The following KHDRBS2 variants were observed in gnomAD, a reference collection of about 807,000 sequenced individuals.
KHDRBS2 encodes KH RNA binding domain containing, signal transduction associated 2.
A neutral mutation model predicts 44.3 loss-of-function variants in KHDRBS2; 26 were observed. That is an observed-to-expected ratio of 0.59 (90% CI 0.43 to 0.81). KHDRBS2 has a LOEUF of 0.81. KHDRBS2 is among the 40% of genes least tolerant of loss of function. The probability of loss-of-function intolerance (pLI) is 0.00; values close to 1 mark genes in which losing one functional copy is unlikely to be tolerated. For synonymous variants in KHDRBS2, 194 were observed against 151.1 expected (o/e 1.28, Z -2.08); for missense variants, 476 against 433.1 (o/e 1.10, Z -0.88).
chr6:62,104,690 A>G (rs1365651131), intron 2 of KHDRBS2, among the ~76,000 whole-genome samples: 2 of 152,164 alleles, frequency 1.3e-5, no homozygotes, highest in African/African-American at 4.8e-5. Flanking sequence ...CTATAATAAA[A>G]CAGAAAGTTC....
chr6:62,047,851 G>A (rs1788053253), intron 3 of KHDRBS2, 27 bp downstream of exon 3: 1 of 1,435,576 alleles, frequency 7.0e-7, no homozygotes, highest in African/African-American at 1.4e-5. Flanking sequence ...CCTGAATGTG[G>A]TAAATATTAG....
chr6:62,103,998 C>T (rs1162301463), intron 2 of KHDRBS2, among the ~76,000 whole-genome samples: 1 of 151,764 alleles, frequency 6.6e-6, no homozygotes, highest in Non-Finnish European at 1.5e-5. Flanking sequence ...AAAATGATAC[C>T]AGAGGGAAAT....
chr6:61,675,313 C>G (rs965596681), downstream of KHDRBS2, among the ~76,000 whole-genome samples: 2 of 151,632 alleles, frequency 1.3e-5, no homozygotes, highest in East Asian at 1.9e-4. Context: ...TTCTTGATAA[C>G]CTTTCATATG....
intron 2 of KHDRBS2, among the ~76,000 whole-genome samples, chr6:62,124,747 G>T (rs1808541802): frequency 2.0e-5 from 3 of 152,036 alleles, no homozygotes; most frequent in Non-Finnish European, 4.4e-5. Flanking sequence ...CCTTTAGGTA[G>T]ATACTTAGTA....
chr6:61,961,485 G>GAC (rs1768710281), intron 4 of KHDRBS2, among the ~76,000 whole-genome samples: 1 of 151,866 alleles, frequency 6.6e-6, no homozygotes, highest in African/African-American at 2.4e-5. Flanking sequence ...GAAGGAAAGA[G>GAC]ACAGTACTAC....
the KHDRBS2 span, among the ~76,000 whole-genome samples, chr6:61,632,210 ATATAC>A: frequency 1.4e-4 from 22 of 152,318 alleles, no homozygotes; most frequent in African/African-American, 4.3e-4. Context: ...ATAAATTTTG[ATATAC>A]CTAAATGTTA....
the KHDRBS2 span, among the ~76,000 whole-genome samples, chr6:61,610,171 G>C: frequency 1.4e-5 from 2 of 147,536 alleles, no homozygotes; most frequent in Admixed American, 6.9e-5. Flanking sequence ...ACGAGACTCT[G>C]TCTCAATATA....
chr6:62,017,172 C>T (rs1457944091), intron 3 of KHDRBS2, among the ~76,000 whole-genome samples: 1 of 152,036 alleles, frequency 6.6e-6, no homozygotes, highest in Non-Finnish European at 1.5e-5. Flanking sequence ...GATTGATGGA[C>T]CACACCTATA....
chr6:61,968,604 A>G (rs1383638086), intron 4 of KHDRBS2, among the ~76,000 whole-genome samples: 2 of 152,078 alleles, frequency 1.3e-5, no homozygotes, highest in Non-Finnish European at 2.9e-5. Flanking sequence ...AGAGTTGTCT[A>G]TGTAACCATA....
chr6:62,266,544 T>G (rs1269985331), intron 1 of KHDRBS2, among the ~76,000 whole-genome samples: 1 of 152,020 alleles, frequency 6.6e-6, no homozygotes, highest in Admixed American at 6.6e-5. Flanking sequence ...AAATTCTATG[T>G]GGGCTCCTTT....
intron 6 of KHDRBS2, among the ~76,000 whole-genome samples, chr6:61,768,939 T>C (rs551540945): frequency 1.3e-5 from 2 of 152,262 alleles, no homozygotes; most frequent in African/African-American, 4.8e-5. Context: ...TACCTTCTTA[T>C]TGATTCAAAG....
the KHDRBS2 span, among the ~76,000 whole-genome samples, chr6:61,665,737 T>C: frequency 1.3e-5 from 2 of 151,226 alleles, no homozygotes; most frequent in Non-Finnish European, 3.0e-5. Flanking sequence ...TGATGTTCTG[T>C]GTAATATAAA....
intron 6 of KHDRBS2, among the ~76,000 whole-genome samples, chr6:61,859,373 T>A (rs1234182511): frequency 1.3e-5 from 2 of 151,940 alleles, no homozygotes; most frequent in Admixed American, 1.3e-4. Context: ...AAATCACTTT[T>A]AGGGTGACAC....
intron 2 of KHDRBS2, among the ~76,000 whole-genome samples, chr6:62,170,057 C>T (rs548807364): frequency 6.6e-5 from 10 of 151,888 alleles, no homozygotes; most frequent in South Asian, 2.1e-4. Context: ...ATGTGCGCCA[C>T]GCCTGCTAGA....
chr6:61,790,571 G>A (rs1321670581), intron 6 of KHDRBS2, among the ~76,000 whole-genome samples: 2 of 151,394 alleles, frequency 1.3e-5, no homozygotes, highest in Non-Finnish European at 1.5e-5. Context: ...ATCTGTCCTT[G>A]GGATGAGGTT....
At chr6:61,815,253 C>T (rs941686782) in intron 6 of KHDRBS2, among the ~76,000 whole-genome samples, 9 of 151,856 alleles carry the variant, frequency 5.9e-5, no homozygotes, top group Non-Finnish European at 1.2e-4. Context: ...GATTCATGTC[C>T]CAGGAGGAAC....
chr6:61,862,966 C>T (rs1431322555), intron 6 of KHDRBS2, among the ~76,000 whole-genome samples: 2 of 151,946 alleles, frequency 1.3e-5, no homozygotes, highest in African/African-American at 2.4e-5. Context: ...AATTTCAAAA[C>T]TCATTATTGA....
At chr6:61,699,344 A>G (rs1768299793) in intron 7 of KHDRBS2, among the ~76,000 whole-genome samples, 1 of 152,004 alleles carries the variant, frequency 6.6e-6, no homozygotes, top group African/African-American at 2.4e-5. Flanking sequence ...GGGATCTATA[A>G]ATATTGATGA....
At chr6:61,911,157 T>C (rs1805982396) in intron 4 of KHDRBS2, among the ~76,000 whole-genome samples, 1 of 152,198 alleles carries the variant, frequency 6.6e-6, no homozygotes, top group Non-Finnish European at 1.5e-5. Flanking sequence ...GTGGGTGATA[T>C]TTTACCAATA....
Sources: allele counts gnomAD v4.1 joint callset (sites outside exome capture counted in the v4.1 genomes callset), GRCh38; gene constraint gnomAD v4.1.1; transcripts MANE v1.5; gene names NCBI Gene and HGNC (gene_info 2026-07-23, HGNC 2026-07-21).